Variants in MBP observed in about 807,000 individuals in gnomAD.
MBP encodes Golli-MBP.
Under a neutral mutation model 35.8 loss-of-function variants are expected in MBP, and 16 were observed. That is an observed-to-expected ratio of 0.45 (90% CI 0.30 to 0.68). The LOEUF (loss-of-function observed/expected upper bound fraction) is 0.68. Ranked by LOEUF, MBP falls within the 30% of genes least tolerant of loss-of-function variation. MBP has a pLI of 0.08. For synonymous variants in MBP, 143 were observed against 159.6 expected, an observed-to-expected ratio of 0.90 and a Z score of 0.78; for missense variants, 380 against 404.7, an observed-to-expected ratio of 0.94 and a Z score of 0.52.
intron 4 of MBP, chr18:77,015,433 G>C: frequency 1.0e-6 from 1 of 985,468 alleles, no homozygotes; most frequent in Non-Finnish European, 1.2e-6. Flanking sequence ...GCTTCCAGTT[G>C]AAATTAGCAT....
chr18:77,045,643 T>G (rs755444662), intron 3 of MBP, among the ~76,000 whole-genome samples: 2 of 152,248 alleles, frequency 1.3e-5, no homozygotes, highest in African/African-American at 2.4e-5. Context: ...AATATTGAAA[T>G]AAATGGACTG....
At chr18:77,129,672 C>G (rs973242291) in intron 1 of MBP, among the ~76,000 whole-genome samples, 2 of 152,208 alleles carry the variant, frequency 1.3e-5, no homozygotes, top group Admixed American at 6.5e-5. Context: ...GCTTCCTTCA[C>G]GGGTTCCAAT....
chr18:77,012,426 C>G lies in MBP; in HGVS notation c.576+4406G>C, dbSNP rs188056014. 9.8e-4 allele frequency among the ~76,000 whole-genome samples: 150 copies of G among 152,344 alleles called. 1 individual carries two copies. The highest frequency in any genetic ancestry group is 2.8e-3 in the African/African-American group (118 of 41,592). On this transcript the variant is annotated intron_variant, in intron 4 of 8. Transcript: ENST00000355994. ...GCGGGATGATGCTTTGAGAGAAACA[C>G]AAGAAACTTCAGGCAGAATCAGAAT... is the stretch of plus-strand genomic sequence containing the variant.
chr18:77,100,894 G>T (rs72973207), intron 2 of MBP, among the ~76,000 whole-genome samples: 1,580 of 152,158 alleles, frequency 0.01, 17 homozygotes, highest in Non-Finnish European at 0.017. Flanking sequence ...TCCCCAGGAG[G>T]CTTAGCTATC....
intron 3 of MBP, 52 bp from the exon 4 acceptor site, chr18:77,017,320 G>T: frequency 6.9e-7 from 1 of 1,453,668 alleles, no homozygotes; most frequent in South Asian, 1.6e-5. Context: ...CTGAGCACCG[G>T]ACAAAGCAGC....
chr18:77,016,479 T>C, intron 4 of MBP: 1 of 1,112,804 alleles, frequency 9.0e-7, no homozygotes, highest in Non-Finnish European at 1.1e-6. Flanking sequence ...GCAACATCAG[T>C]CATCAAGTCC....
chr18:76,984,798 T>C lies in MBP; in HGVS notation c.847A>G (p.Thr283Ala). The C allele has an allele frequency of 6.2e-7, 1 of 1,614,076 alleles. No individual in the cohort carries two copies. The highest frequency in any genetic ancestry group is 1.1e-5 in the South Asian group (1 of 91,080). ...ACCAGCTTAAAAATTTTGGAAAGCG[T>C]GCCCTGGGCATCGACTCCCTTGAAT... is the stretch of plus-strand genomic sequence containing the variant. ...KGFKGVDAQG[T>A]LSKIFKLGGR... Residue 283 changes from threonine to alanine, a missense_variant, in exon 8 of 9, where the codon ACG (threonine) becomes GCG (alanine). By Grantham distance (58) the Thr-to-Ala change is moderately conservative. Transcript: ENST00000355994.
intron 2 of MBP, among the ~76,000 whole-genome samples, chr18:77,088,697 G>C (rs1975374776): frequency 6.6e-6 from 1 of 151,954 alleles, no homozygotes; most frequent in Admixed American, 6.5e-5. Flanking sequence ...AAGATCAGTA[G>C]GATAAAAAAA....
intron 7 of MBP, chr18:76,985,862 TG>T (rs1969529093): frequency 1.0e-6 from 1 of 988,924 alleles, no homozygotes; most frequent in South Asian, 4.6e-5. Flanking sequence ...CTGTCATTTA[TG>T]GAAGAGCAGG....
chr18:77,047,577 T>C (rs578074482), intron 3 of MBP, among the ~76,000 whole-genome samples: 5 of 152,324 alleles, frequency 3.3e-5, no homozygotes, highest in African/African-American at 1.2e-4. Context: ...TGCACAGTTC[T>C]GGGGATACAC....
In MBP at chr18:77,084,431, C is replaced by CACACACACACACACACA. The variant is rs60600826; in HGVS notation, c.52-18047_52-18046insTGTGTGTGTGTGTGTGT. On this transcript the variant is annotated intron_variant, in intron 2 of 8. Coordinates refer to ENST00000355994, the MANE Select transcript of MBP (RefSeq NM_001025101.2). Reference sequence around the variant, plus strand: ...ACACCGCCCCCCCCGCCACACCACACCACACACACACACACACACACACAC... The same window carrying CACACACACACACACACA: ...ACACCGCCCCCCCCGCCACACCACACACACACACACACACACACACACACACACACACACACACACAC... Among the ~76,000 whole-genome samples, 822 of 105,948 alleles carry CACACACACACACACACA rather than the reference C, an allele frequency of 7.8e-3. 30 individuals are homozygous for CACACACACACACACACA. The highest frequency in any genetic ancestry group is 0.011 in the Non-Finnish European group (556 of 50,302). The allele number at this position is 105,948 out of a possible 152,430, so 69.5% of individuals were successfully genotyped here. A position where few individuals can be genotyped will look rare whatever the true frequency, so the allele number is the denominator to read the frequency against.
chr18:76,983,175 A>C (rs1339740186), intron 8 of MBP: 1 of 152,156 alleles, frequency 6.6e-6, no homozygotes, highest in Admixed American at 6.6e-5. Context: ...CTGAGCCAGC[A>C]CTCAGCTCTC....
Position 76,980,000 on chromosome 18 carries a change from T to TAG in MBP, c.*426_*427insCT. 1.4e-6 allele frequency: 1 copy of TAG among 702,628 alleles called. No individual in the cohort carries two copies. 43.5% of individuals were successfully genotyped at this position (702,628 alleles called of 1,614,324 possible). A position where few individuals can be genotyped will look rare whatever the true frequency, so the allele number is the denominator to read the frequency against. Reference sequence around the variant, plus strand: ...GGAAGCTTGGATGTCAACAGTCCTCTCTGCCGCCCACGTCCTCTCTGTCTC... The same window carrying TAG: ...GGAAGCTTGGATGTCAACAGTCCTCTAGCTGCCGCCCACGTCCTCTCTGTCTC... On this transcript the variant is annotated 3_prime_UTR_variant, in exon 9 of 9. Coordinates refer to ENST00000355994, the MANE Select transcript of MBP (RefSeq NM_001025101.2).
Position 77,042,290 on chromosome 18 carries a change from G to A in MBP, c.139+24008C>T, listed in dbSNP as rs73968264. Among the ~76,000 whole-genome samples, 243 of 145,518 alleles carry A rather than the reference G, an allele frequency of 1.7e-3. 3 individuals carry two copies. Among genetic ancestry groups the A allele is most frequent in the African/African-American group, 6.4e-3 (227 of 35,274 alleles). On this transcript the variant is annotated intron_variant, in intron 3 of 8. Coordinates refer to ENST00000355994, the MANE Select transcript of MBP (RefSeq NM_001025101.2). ...GGAAAACCTCCTGTTCGGTCTCCCC[G>A]GGGGACCTGACTCTCAGTCTCCCCA...
intron 3 of MBP, among the ~76,000 whole-genome samples, chr18:77,061,232 C>T (rs957142336): frequency 6.6e-6 from 1 of 152,212 alleles, no homozygotes; most frequent in African/African-American, 2.4e-5. Context: ...AACTAATCTC[C>T]ACATGTGCTA....
intron 3 of MBP, among the ~76,000 whole-genome samples, chr18:77,033,327 T>C (rs1296519646): frequency 1.3e-5 from 2 of 152,170 alleles, no homozygotes; most frequent in Non-Finnish European, 2.9e-5. Context: ...GAGCACATAA[T>C]TTAATCTCTT....
intron 3 of MBP, among the ~76,000 whole-genome samples, chr18:77,029,562 T>C (rs1483242037): frequency 6.6e-6 from 1 of 152,138 alleles, no homozygotes; most frequent in African/African-American, 2.4e-5. Flanking sequence ...GCAATCCTTC[T>C]GCCTTGGCCT....
At chr18:77,088,041 C>T (rs1325028967) in intron 2 of MBP, among the ~76,000 whole-genome samples, 3 of 152,112 alleles carry the variant, frequency 2.0e-5, no homozygotes, top group African/African-American at 7.2e-5. Flanking sequence ...GAGCCCGGGC[C>T]CTCCAGGCCA....
intron 4 of MBP, chr18:77,004,180 A>G (rs1393079715): frequency 1.3e-5 from 2 of 152,104 alleles, no homozygotes; most frequent in Non-Finnish European, 2.9e-5. Context: ...GAAATCACAG[A>G]ACACTGTGGT....
Sources: gnomAD v4.1 joint callset for allele counts (sites outside exome capture counted in the v4.1 genomes callset) on GRCh38, gnomAD v4.1.1 for gene constraint, MANE v1.5 for transcripts, NCBI Gene and HGNC (gene_info 2026-07-23, HGNC 2026-07-21) for gene names.